Variants in NR5A1 observed in about 807,000 individuals in gnomAD.
NR5A1 encodes nuclear receptor subfamily 5 group A member 1.
In NR5A1, 6 loss-of-function variants were observed where a neutral mutation model predicts 42.7. That is an observed-to-expected ratio of 0.14 (90% confidence interval 0.08 to 0.28). The LOEUF is 0.28. Among genes scored for constraint, NR5A1 ranks in the 10% least tolerant of loss-of-function variants. NR5A1 has a pLI of 1.00. For missense variants in NR5A1, 442 were observed against 626.4 expected (o/e 0.71, Z 3.14); for synonymous variants, 274 against 277.5 (o/e 0.99, Z 0.12).
chr9:124,491,211 C>G lies in NR5A1; in HGVS notation c.1008G>C (p.Val336=), dbSNP rs747121467. 9 of 1,605,384 alleles carry G rather than the reference C, an allele frequency of 5.6e-6. No individual in the cohort carries two copies. Among genetic ancestry groups the G allele is most frequent in the Admixed American group, 1.7e-5 (1 of 59,674 alleles). Residue 336 remains valine (V), a synonymous_variant, in exon 6 of 7, where the codon GTG becomes GTC. Transcript: ENST00000373588. ...GCAGCAGCGAGCCCGCCTGGGTGGC[C>G]ACTGTGGTCAGCTCCACCTGGGGGC... ...VTGQEVELTT[V]ATQAGSLLHS...
chr9:124,491,123 G>C lies in NR5A1; in HGVS notation c.1096C>G (p.Gln366Glu), dbSNP rs1400600637. Residue 366 changes from glutamine (Q) to glutamate (E), a missense_variant, in exon 6 of 7, where the codon CAG becomes GAG. This residue lies in a region of NR5A1 where 163 missense variants were observed against 265.8 expected (regional missense o/e 0.61). Transcript: ENST00000373588. The part of the protein sequence containing the change: ...LQLLALQLDR[Q>E]EFVCLKFIIL... ...ATGAACTTGAGGCAGACAAACTCCT[G>C]CCGGTCCAGCTGCAGCGCAAGCAGC... 2 of 1,598,712 alleles carry C rather than the reference G, an allele frequency of 1.3e-6. No homozygotes were observed. Among genetic ancestry groups the C allele is most frequent in the Admixed American group, 1.7e-5 (1 of 58,750 alleles).
chr9:124,482,727 C>CCCCAGT lies in NR5A1; in HGVS notation c.*25_*30dup, dbSNP rs754099590. On this transcript the variant is annotated 3_prime_UTR_variant, in exon 7 of 7. Coordinates refer to ENST00000373588, the MANE Select transcript of NR5A1 (RefSeq NM_004959.5). ...GCCCAGGCCCCGCCCCCAGTCCCGC[C>CCCCAGT]CCCAGTCCCGGCCCCGCCCCCGGCC... 44 of 1,423,678 alleles carry CCCCAGT rather than the reference C, an allele frequency of 3.1e-5. No homozygotes were observed. The South Asian group carries it at 5.3e-4, about 17-fold the overall frequency. The allele number at this position is 1,423,678 out of a possible 1,614,324, so 88.2% of individuals were successfully genotyped here.
At chr9:124,504,024 CAG>C (rs150663190) in intron 1 of NR5A1, among the ~76,000 whole-genome samples, 1,136 of 104,980 alleles carry the variant, frequency 0.011, 1 homozygote, top group Middle Eastern at 0.013. Context: ...GACAGGGAGA[CAG>C]AGAGAGAGAG....
intron 6 of NR5A1, 45 bp downstream of exon 6, chr9:124,491,036 C>CCCCCCCCCCGG: frequency 2.9e-6 from 4 of 1,401,596 alleles, no homozygotes; most frequent in Non-Finnish European, 3.9e-6. Context: ...CCCACCCACC[C>CCCCCCCCCCGG]GCCTCTGGCT....
chr9:124,491,979 G>A (rs1167678727), intron 5 of NR5A1, among the ~76,000 whole-genome samples: 1 of 152,176 alleles, frequency 6.6e-6, no homozygotes, highest in South Asian at 2.1e-4. Context: ...CAGACTGCAG[G>A]CACCTGCGCT....
Position 124,489,795 on chromosome 9 carries a change from G to A in NR5A1, c.1138+1286C>T, listed in dbSNP as rs542315564. ...CCCCTGCTGACCCCTGCAGAGCCCCGGCTGGTGTCCTGAGAGGTGGCTTAA... is the reference window on the plus strand; with the variant it reads ...CCCCTGCTGACCCCTGCAGAGCCCCAGCTGGTGTCCTGAGAGGTGGCTTAA... On this transcript the variant is annotated intron_variant, in intron 6 of 6. Transcript: ENST00000373588. 5.8e-4 allele frequency among the ~76,000 whole-genome samples: 80 copies of A among 137,424 alleles called. 1 individual carries two copies. The South Asian group carries it at 0.017, about 29-fold the overall frequency. 90.2% of individuals were successfully genotyped at this position (137,424 alleles called of 152,430 possible). A position where few individuals can be genotyped will look rare whatever the true frequency, so the allele number is the denominator to read the frequency against.
In NR5A1 at chr9:124,500,394, G is replaced by C; in HGVS notation, c.566C>G (p.Pro189Arg). ...PLAGYLYPAF[P>R]GRAIKSEYPE... Reference sequence around the variant, plus strand: ...GTACTCAGACTTGATGGCACGGCCAGGAAAGGCAGGGTAGAGGTAGCCAGC... The same window carrying C: ...GTACTCAGACTTGATGGCACGGCCACGAAAGGCAGGGTAGAGGTAGCCAGC... The change falls in exon 4 of 7, where the codon CCT becomes CGT. Residue 189 changes from proline to arginine, a missense_variant. This residue lies in a region of NR5A1 where 208 missense variants were observed against 203.8 expected (regional missense o/e 1.02). Coordinates refer to ENST00000373588, the MANE Select transcript of NR5A1 (RefSeq NM_004959.5). The surrounding 1 kb of genome is among the most constrained non-coding windows in gnomAD (Gnocchi z 6.9). The C allele has an allele frequency of 6.4e-7, 1 of 1,560,314 alleles. No individual in the cohort carries two copies. The highest frequency in any genetic ancestry group is 8.7e-7 in the Non-Finnish European group (1 of 1,152,966).
At chr9:124,504,570 G>A (rs1832522378) in intron 1 of NR5A1, among the ~76,000 whole-genome samples, 1 of 151,936 alleles carries the variant, frequency 6.6e-6, no homozygotes, top group African/African-American at 2.4e-5. Context: ...AGCCCGAGGC[G>A]AGGGAGCGAC....
chr9:124,484,115 C>T (rs1241467988), intron 6 of NR5A1, among the ~76,000 whole-genome samples: 1 of 152,194 alleles, frequency 6.6e-6, no homozygotes, highest in Non-Finnish European at 1.5e-5. Context: ...TTGAACATCT[C>T]ATGGGGTTTA....
intron 1 of NR5A1, among the ~76,000 whole-genome samples, chr9:124,504,796 G>T (rs954204310): frequency 6.8e-6 from 1 of 146,540 alleles, no homozygotes; most frequent in African/African-American, 2.4e-5. Context: ...GCCCGCCCGC[G>T]ATGACGGCCG....
At chr9:124,499,556 C>T (rs887109481) in intron 4 of NR5A1, among the ~76,000 whole-genome samples, 1 of 152,178 alleles carries the variant, frequency 6.6e-6, no homozygotes, top group Non-Finnish European at 1.5e-5. Context: ...ACACTAAGAG[C>T]CCCCATCTGT....
intron 6 of NR5A1, among the ~76,000 whole-genome samples, chr9:124,483,902 G>T (rs946181655): frequency 3.3e-5 from 5 of 152,200 alleles, no homozygotes; most frequent in African/African-American, 1.2e-4. Context: ...GGGCCATGGG[G>T]GAGCATGCAC....
At chr9:124,485,097 T>A (rs1015389246) in intron 6 of NR5A1, among the ~76,000 whole-genome samples, 1 of 152,074 alleles carries the variant, frequency 6.6e-6, no homozygotes, top group African/African-American at 2.4e-5. Context: ...CCAGGGTCAG[T>A]TTCTTGTCAC....
In NR5A1 at chr9:124,503,445, G is replaced by C; in HGVS notation, c.-15-35C>G. On this transcript the variant is annotated intron_variant, in intron 1 of 6. Transcript: ENST00000373588. The surrounding 1 kb of genome is among the most constrained non-coding windows in gnomAD (Gnocchi z 9.6). The stretch of plus-strand genomic sequence containing the variant: ...GACAGCGGGTCAGGGAGGGCCGGCG[G>C]AGACCGGCAGCCTGGGGTCCCCGCG... 2 of 1,542,186 alleles carry C rather than the reference G, an allele frequency of 1.3e-6. No individual in the cohort carries two copies. Among genetic ancestry groups the C allele is most frequent in the Non-Finnish European group, 1.8e-6 (2 of 1,139,614 alleles).
At position 124,481,778 on chromosome 9, in the gene NR5A1, A is replaced by G. The variant is rs1001599362; in HGVS notation, c.*980T>C. ...AGGGCGGGCAACAGCGCTTCTCTGG[A>G]TTGGGGCTGGGGCTCAGAAGTAATG... On this transcript the variant is annotated 3_prime_UTR_variant, in exon 7 of 7. Coordinates refer to ENST00000373588, the MANE Select transcript of NR5A1 (RefSeq NM_004959.5). 4 of 152,126 alleles carry G rather than the reference A, an allele frequency of 2.6e-5. No homozygotes were observed. The highest frequency in any genetic ancestry group is 9.7e-5 in the African/African-American group (4 of 41,408). The allele number at this position is 152,126 out of a possible 1,614,324, so 9.4% of individuals were successfully genotyped here. A position where few individuals can be genotyped will look rare whatever the true frequency, so the allele number is the denominator to read the frequency against.
rs1437377056 is a variant in NR5A1 at position 124,481,370 on chromosome 9, GAGAC to G, written c.*1384_*1387del. 1 of 150,976 alleles carries G rather than the reference GAGAC, an allele frequency of 6.6e-6. No homozygotes were observed. The highest frequency in any genetic ancestry group is 1.5e-5 in the Non-Finnish European group (1 of 67,970). 9.4% of individuals were successfully genotyped at this position (150,976 alleles called of 1,614,324 possible). ...TCAGGGGGCGGGGAGGGGAGGTACT[GAGAC>G]AGGGTGGCGGGAGGCGGGAGGCAGG... On this transcript the variant is annotated 3_prime_UTR_variant, in exon 7 of 7. Transcript: ENST00000373588.
intron 6 of NR5A1, among the ~76,000 whole-genome samples, chr9:124,489,237 A>C (rs1588616729): frequency 6.6e-6 from 1 of 152,076 alleles, no homozygotes; most frequent in African/African-American, 2.4e-5. Context: ...CTGATAGCCC[A>C]CCCTCCACCT....
At position 124,501,634 on chromosome 9, in the gene NR5A1, C is replaced by A. The variant is rs1331810179; in HGVS notation, c.245-919G>T. On this transcript the variant is annotated intron_variant, in intron 3 of 6. Coordinates refer to ENST00000373588, the MANE Select transcript of NR5A1 (RefSeq NM_004959.5). This position sits in a 1 kb window ranked among gnomAD's most constrained non-coding sequence, Gnocchi z 4.1. ...TTCCTGCCCCCTGGGGTGGGCAGCG[C>A]TGTGCTGCTCGCAGGCTGCACGGGA... 6.6e-6 allele frequency among the ~76,000 whole-genome samples: 1 copy of A among 152,220 alleles called. No homozygotes were observed. Among genetic ancestry groups the A allele is most frequent in the African/African-American group, 2.4e-5 (1 of 41,458 alleles).
chr9:124,505,924 T>C (rs1165368572), intron 1 of NR5A1, among the ~76,000 whole-genome samples: 1 of 152,138 alleles, frequency 6.6e-6, no homozygotes, highest in East Asian at 1.9e-4. Context: ...AGGGGCCTGC[T>C]TGCATCCTGC....
Sources: allele counts gnomAD v4.1 joint callset (sites outside exome capture counted in the v4.1 genomes callset), GRCh38; gene constraint gnomAD v4.1.1; regional missense constraint gnomAD v4.1.1; non-coding constraint Gnocchi (gnomAD v3.1); transcripts MANE v1.5; gene names NCBI Gene and HGNC (gene_info 2026-07-23, HGNC 2026-07-21).